Variants in FAM161A observed in about 807,000 individuals in gnomAD.
The protein encoded by FAM161A is protein FAM161A.
A neutral mutation model predicts 70.9 loss-of-function variants in FAM161A; 57 were observed. The observed-to-expected ratio is 0.80, with a 90% confidence interval of 0.65 to 1.00. The LOEUF (loss-of-function observed/expected upper bound fraction) is 1.00. Among genes scored for constraint, FAM161A ranks in the 50% least tolerant of loss-of-function variants. The pLI is 0.00. For missense variants in FAM161A, 880 were observed against 836.0 expected (o/e 1.05, Z -0.65); for synonymous variants, 299 against 295.7 (o/e 1.01, Z -0.12).
rs1281095503 is a variant in FAM161A at position 61,842,207 on chromosome 2, AT to A, written c.336del (p.Lys112AsnfsTer2). ...LKAAHIETMAKLEKMYQDKLH... is the reference protein window; with the variant it reads ...LKAAHIETMAXLEKMYQDKLH... ...AATTTATCCTGGTACATTTTCTCTA[AT>A]TTTGCCATAGTTTCTATGTGGGCAG... On this transcript the variant is annotated frameshift_variant, in exon 2 of 7. Coordinates refer to ENST00000404929, the MANE Select transcript of FAM161A (RefSeq NM_001201543.2). LOFTEE classifies it high-confidence loss of function. 2.5e-6 allele frequency: 4 copies of A among 1,613,832 alleles called. No homozygotes were observed. Among genetic ancestry groups the A allele is most frequent in the Non-Finnish European group, 3.4e-6 (4 of 1,179,882 alleles).
the FAM161A span, among the ~76,000 whole-genome samples, chr2:61,801,698 T>A: frequency 6.6e-6 from 1 of 151,918 alleles, no homozygotes; most frequent in Non-Finnish European, 1.5e-5. Flanking sequence ...GCAGCTGGGA[T>A]TATAGACACG....
chr2:61,822,178 C>A (rs1672216005), downstream of FAM161A, among the ~76,000 whole-genome samples: 1 of 151,998 alleles, frequency 6.6e-6, no homozygotes, highest in African/African-American at 2.4e-5. Context: ...CACCTGTAAT[C>A]CTAACACTTT....
the FAM161A span, among the ~76,000 whole-genome samples, chr2:61,816,679 C>T: frequency 6.6e-6 from 1 of 152,122 alleles, no homozygotes. Context: ...CTATGTTGCC[C>T]AGGCTGGTCT....
chr2:61,817,361 G>T, the FAM161A span, among the ~76,000 whole-genome samples: 14 of 152,316 alleles, frequency 9.2e-5, 1 homozygote, highest in South Asian at 2.3e-3. Context: ...ATGCAAGAAT[G>T]CTTCTCTGTA....
At chr2:61,830,337 T>C (rs1013976178) in intron 5 of FAM161A, among the ~76,000 whole-genome samples, 3 of 152,026 alleles carry the variant, frequency 2.0e-5, no homozygotes, top group Non-Finnish European at 2.9e-5. Context: ...TTGACAGGTC[T>C]CTCAATGACC....
Position 61,839,604 on chromosome 2 carries a change from A to G in FAM161A, c.1400T>C (p.Ile467Thr), listed in dbSNP as rs1672922092. The G allele has an allele frequency of 6.2e-7, 1 of 1,614,084 alleles. No homozygotes were observed. The highest frequency in any genetic ancestry group is 8.5e-7 in the Non-Finnish European group (1 of 1,180,040). The change falls in exon 3 of 7, where the codon ATT becomes ACT. Residue 467 changes from isoleucine to threonine, a missense_variant. Ile to Thr is a moderately conservative substitution (Grantham distance 89). Transcript: ENST00000404929. ...FDLHASPHASIKREKILADIE... is the reference protein window; with the variant it reads ...FDLHASPHASTKREKILADIE... Reference sequence around the variant, plus strand: ...GTCTGCCAAAATTTTTTCTCTTTTAATAGATGCATGTGGAGATGCATGAAG... The same window carrying G: ...GTCTGCCAAAATTTTTTCTCTTTTAGTAGATGCATGTGGAGATGCATGAAG...
chr2:61,816,677 C>G, the FAM161A span, among the ~76,000 whole-genome samples: 15 of 151,986 alleles, frequency 9.9e-5, no homozygotes, highest in Admixed American at 8.6e-4. Flanking sequence ...TGCTATGTTG[C>G]CCAGGCTGGT....
At chr2:61,842,472 T>G (rs1673054449) in intron 1 of FAM161A, 112 bp from the exon 2 acceptor site, 1 of 654,330 alleles carries the variant, frequency 1.5e-6, no homozygotes, top group African/African-American at 1.8e-5. Context: ...GGTTATACAT[T>G]AATTATGGGC....
the FAM161A span, among the ~76,000 whole-genome samples, chr2:61,808,296 G>A: frequency 2.7e-4 from 40 of 149,418 alleles, no homozygotes; most frequent in Non-Finnish European, 5.2e-4. Context: ...TTTTTGAGAT[G>A]GAGTCTTGCT....
At chr2:61,847,878 T>C in intron 1 of FAM161A, among the ~76,000 whole-genome samples, 1 of 152,074 alleles carries the variant, frequency 6.6e-6, no homozygotes. Flanking sequence ...GTTCAAGGAA[T>C]ATTTACTGAA....
downstream of FAM161A, chr2:61,824,702 G>C (rs1672285868): frequency 4.1e-6 from 1 of 245,114 alleles, no homozygotes; most frequent in South Asian, 5.0e-5. Context: ...ACAGGCTGTG[G>C]AGTGAATCCT....
At chr2:61,849,857 A>G (rs564007280) in intron 1 of FAM161A, among the ~76,000 whole-genome samples, 539 of 7,300 alleles carry the variant, frequency 0.074, 2 homozygotes, top group South Asian at 0.092. Flanking sequence ...ACATAATCTT[A>G]AACAAATTAA....
chr2:61,804,758 G>GA, the FAM161A span, among the ~76,000 whole-genome samples: 1 of 66,374 alleles, frequency 1.5e-5, no homozygotes, highest in African/African-American at 6.6e-5. Context: ...AAGAAAGAAA[G>GA]AAAAAGAAAG....
At chr2:61,814,138 G>A in the FAM161A span, among the ~76,000 whole-genome samples, 1 of 152,196 alleles carries the variant, frequency 6.6e-6, no homozygotes. Flanking sequence ...GGAGCATGAG[G>A]TTTGTGGGTG....
At chr2:61,820,611 T>A, downstream of FAM161A, 1 of 651,890 alleles carries the variant, frequency 1.5e-6, no homozygotes, top group Non-Finnish European at 2.8e-6. Context: ...TATTAAGGGG[T>A]TATTCTTTTT....
Position 61,839,589 on chromosome 2 carries a change from A to T in FAM161A, c.1415T>A (p.Ile472Asn). The T allele has an allele frequency of 6.2e-7, 1 of 1,614,094 alleles. No homozygotes were observed. Among genetic ancestry groups the T allele is most frequent in the Non-Finnish European group, 8.5e-7 (1 of 1,180,024 alleles). ...TTCATCTGCTTCGATGTCTGCCAAAATTTTTTCTCTTTTAATAGATGCATG... is the reference window on the plus strand; with the variant it reads ...TTCATCTGCTTCGATGTCTGCCAAATTTTTTTCTCTTTTAATAGATGCATG... ...SPHASIKREK[I>N]LADIEADEEN... is the part of the protein sequence containing the mutation. Residue 472 changes from isoleucine to asparagine, a missense_variant, in exon 3 of 7, where the codon ATT (isoleucine) becomes AAT (asparagine). By Grantham distance (149) the Ile-to-Asn change is moderately radical. Transcript: ENST00000404929.
At chr2:61,808,316 A>G in the FAM161A span, among the ~76,000 whole-genome samples, 1 of 150,816 alleles carries the variant, frequency 6.6e-6, no homozygotes, top group African/African-American at 2.4e-5. Flanking sequence ...TCTGTCGCCC[A>G]GTCTGGAGTG....
chr2:61,827,564 C>T (rs955279638), intron 5 of FAM161A, among the ~76,000 whole-genome samples: 14 of 145,368 alleles, frequency 9.6e-5, no homozygotes, highest in African/African-American at 1.3e-4. Flanking sequence ...GAGCCGAGAT[C>T]GCGCCACTGT....
chr2:61,837,730 C>CA (rs1672829514), intron 4 of FAM161A, among the ~76,000 whole-genome samples: 1 of 151,256 alleles, frequency 6.6e-6, no homozygotes. Flanking sequence ...GACTCTGTCT[C>CA]AAAAAAATAA....
Sources: allele counts gnomAD v4.1 joint callset (sites outside exome capture counted in the v4.1 genomes callset), GRCh38; gene constraint gnomAD v4.1.1; transcripts MANE v1.5; gene names NCBI Gene and HGNC (gene_info 2026-07-23, HGNC 2026-07-21).